MYO1B: variants seen among roughly 807,000 people sequenced by gnomAD.
The protein encoded by MYO1B is unconventional myosin-Ib.
Under a neutral mutation model 159.7 loss-of-function variants are expected in MYO1B, and 72 were observed. The observed-to-expected ratio is 0.45, with a 90% CI of 0.37 to 0.55. The LOEUF is 0.55. MYO1B is among the 20% of genes least tolerant of loss of function. The probability of loss-of-function intolerance (pLI) is 0.00; values close to 1 mark genes in which losing one functional copy is unlikely to be tolerated. For missense variants in MYO1B, 1,062 were observed against 1,364.8 expected (o/e 0.78, Z 3.50); for synonymous variants, 468 against 473.8 (o/e 0.99, Z 0.16).
chr2:191,384,259 GTA>G (rs1695271586), intron 15 of MYO1B, among the ~76,000 whole-genome samples: 1 of 152,210 alleles, frequency 6.6e-6, no homozygotes, highest in Non-Finnish European at 1.5e-5. Context: ...CTTTGAATAA[GTA>G]ATTTGAAACA....
chr2:191,389,684 G>C (rs1439636567), intron 17 of MYO1B, among the ~76,000 whole-genome samples: 1 of 152,226 alleles, frequency 6.6e-6, no homozygotes, highest in African/African-American at 2.4e-5. Context: ...TCCCTGGGCA[G>C]CAAAGTGCCC....
intron 3 of MYO1B, among the ~76,000 whole-genome samples, chr2:191,305,087 A>C (rs1050214302): frequency 2.6e-5 from 4 of 152,244 alleles, no homozygotes; most frequent in African/African-American, 9.6e-5. Context: ...TGGCTGCTGA[A>C]GGATTAGTAT....
At chr2:191,384,556 A>C (rs1695291538) in intron 15 of MYO1B, among the ~76,000 whole-genome samples, 1 of 152,194 alleles carries the variant, frequency 6.6e-6, no homozygotes, top group Non-Finnish European at 1.5e-5. Context: ...AACAATATTG[A>C]ATGGGAACAC....
intron 21 of MYO1B, among the ~76,000 whole-genome samples, chr2:191,397,733 C>G (rs1231177441): frequency 2.8e-5 from 4 of 145,354 alleles, no homozygotes; most frequent in Admixed American, 2.0e-4. Context: ...GGGTCGTGGC[C>G]GGGCAGAGGG....
At chr2:191,387,162 A>T in intron 16 of MYO1B, 62 bp from the exon 17 acceptor site, 1 of 1,488,316 alleles carries the variant, frequency 6.7e-7, no homozygotes, top group South Asian at 1.2e-5. Context: ...AGTATTTTTA[A>T]TAGTTGTTTG....
Position 191,424,217 on chromosome 2 carries a change from C to T in MYO1B, c.*257C>T. The T allele has an allele frequency of 2.2e-6, 1 of 448,408 alleles. No individual in the cohort carries two copies. Among genetic ancestry groups the T allele is most frequent in the Non-Finnish European group, 4.0e-6 (1 of 253,018 alleles). 27.8% of individuals were successfully genotyped at this position (448,408 alleles called of 1,614,324 possible). On this transcript the variant is annotated 3_prime_UTR_variant, in exon 31 of 31. Coordinates refer to ENST00000392318, the MANE Select transcript of MYO1B (RefSeq NM_001130158.3). ...TCTGATGTGTTCTTCCTTTAGTCAT[C>T]ATGTTAGGTCTGTGTACCCTAAATC... is the stretch of plus-strand genomic sequence containing the variant.
intron 12 of MYO1B, 78 bp from the exon 13 acceptor site, chr2:191,370,149 A>G (rs558269679): frequency 1.2e-5 from 11 of 900,950 alleles, no homozygotes; most frequent in African/African-American, 3.4e-5. Flanking sequence ...AATTTGTAAT[A>G]TATATCTATG....
chr2:191,317,807 G>A (rs939395145), intron 3 of MYO1B, among the ~76,000 whole-genome samples: 5 of 152,242 alleles, frequency 3.3e-5, no homozygotes, highest in East Asian at 1.9e-4. Flanking sequence ...TTAATTCTTC[G>A]AGTATTTTAA....
At chr2:191,334,222 C>T (rs1691679777) in intron 4 of MYO1B, among the ~76,000 whole-genome samples, 1 of 151,698 alleles carries the variant, frequency 6.6e-6, no homozygotes. Context: ...AGTTCTTCAT[C>T]TCCTCTGGAA....
intron 12 of MYO1B, among the ~76,000 whole-genome samples, chr2:191,370,021 T>C (rs1361488873): frequency 6.6e-6 from 1 of 152,216 alleles, no homozygotes; most frequent in Non-Finnish European, 1.5e-5. Context: ...ACTAATGCCT[T>C]CTTTAAATAT....
chr2:191,300,594 C>T (rs1253966758), intron 3 of MYO1B, among the ~76,000 whole-genome samples: 5 of 143,058 alleles, frequency 3.5e-5, no homozygotes, highest in South Asian at 4.6e-4. Context: ...TACCCTCCTC[C>T]GCCTCCCAAA....
intron 3 of MYO1B, among the ~76,000 whole-genome samples, chr2:191,316,947 G>A (rs952791766): frequency 1.3e-5 from 2 of 152,206 alleles, no homozygotes; most frequent in Admixed American, 6.5e-5. Flanking sequence ...AAAATTTTGA[G>A]TGCCGCACCT....
intron 1 of MYO1B, among the ~76,000 whole-genome samples, chr2:191,261,364 T>TAA (rs1479018319): frequency 5.3e-5 from 8 of 152,196 alleles, no homozygotes; most frequent in Non-Finnish European, 1.2e-4. Flanking sequence ...CTGAGATAAG[T>TAA]AAAAAATTTG....
At chr2:191,346,761 G>A (rs760057234) in intron 6 of MYO1B, among the ~76,000 whole-genome samples, 1 of 152,192 alleles carries the variant, frequency 6.6e-6, no homozygotes, top group Non-Finnish European at 1.5e-5. Flanking sequence ...TGAGCGTGGG[G>A]CTGTAGAGTA....
intron 1 of MYO1B, among the ~76,000 whole-genome samples, chr2:191,258,932 C>T (rs1686629142): frequency 6.6e-6 from 1 of 152,194 alleles, no homozygotes; most frequent in South Asian, 2.1e-4. Flanking sequence ...TTTTGTGTCT[C>T]ATGGACCCTG....
chr2:191,363,370 A>C (rs775462953), intron 9 of MYO1B, among the ~76,000 whole-genome samples: 23 of 152,222 alleles, frequency 1.5e-4, no homozygotes, highest in Non-Finnish European at 2.6e-4. Context: ...ATGAATGAGG[A>C]GCTTTTCTTT....
At chr2:191,382,374 CCATTTACT>C (rs1169954196) in intron 14 of MYO1B, among the ~76,000 whole-genome samples, 1 of 151,982 alleles carries the variant, frequency 6.6e-6, no homozygotes, top group African/African-American at 2.4e-5. Context: ...GTAAAACAAC[CCATTTACT>C]CAAAAGCTAA....
At chr2:191,315,015 G>A (rs1329028145) in intron 3 of MYO1B, among the ~76,000 whole-genome samples, 2 of 152,102 alleles carry the variant, frequency 1.3e-5, no homozygotes. Context: ...TCTAGATTTG[G>A]TAAGAGTTGC....
chr2:191,381,603 T>C lies in MYO1B; in HGVS notation c.1290+37T>C. 5 of 1,406,730 alleles carry C rather than the reference T, an allele frequency of 3.6e-6. 1 individual carries two copies. Among genetic ancestry groups the C allele is most frequent in the South Asian group, 3.5e-5 (3 of 85,268 alleles). 87.1% of individuals were successfully genotyped at this position (1,406,730 alleles called of 1,614,324 possible). Reference sequence around the variant, plus strand: ...ATGCTATTTTTAAAAGTGTTGGTCCTTTTTTACTCGTAATATAAATTCTAA... The same window carrying C: ...ATGCTATTTTTAAAAGTGTTGGTCCCTTTTTACTCGTAATATAAATTCTAA... On this transcript the variant is annotated intron_variant, in intron 14 of 30. Coordinates refer to ENST00000392318, the MANE Select transcript of MYO1B (RefSeq NM_001130158.3).
Sources: allele counts gnomAD v4.1 joint callset (sites outside exome capture counted in the v4.1 genomes callset), GRCh38; gene constraint gnomAD v4.1.1; transcripts MANE v1.5; gene names NCBI Gene and HGNC (gene_info 2026-07-23, HGNC 2026-07-21).